Variants in ETV6 observed in about 807,000 individuals in gnomAD.
The protein encoded by ETV6 is transcription factor ETV6.
ETV6 carries 16 observed loss-of-function variants against 51.1 expected under a neutral mutation model. The observed-to-expected ratio is 0.31, with a 90% CI of 0.21 to 0.48. The LOEUF is 0.48. ETV6 is among the 20% of genes least tolerant of loss of function. The pLI is 0.99. For synonymous variants in ETV6, 240 were observed against 224.1 expected, an observed-to-expected ratio of 1.07 and a Z score of -0.64; for missense variants, 458 against 594.8, an observed-to-expected ratio of 0.77 and a Z score of 2.39.
chr12:11,688,564 C>T (rs1202872893), intron 1 of ETV6, among the ~76,000 whole-genome samples: 7 of 152,228 alleles, frequency 4.6e-5, no homozygotes, highest in South Asian at 2.1e-4. Context: ...GCAGTTCATA[C>T]GAGGCCTGCA....
chr12:11,650,504 A>AAAAAAAAAAAAAAAAC lies in ETV6; in HGVS notation c.33+355_33+356insAAAACAAAAAAAAAAA, dbSNP rs1555109540. Among the ~76,000 whole-genome samples, 173 of 94,180 alleles carry AAAAAAAAAAAAAAAAC rather than the reference A, an allele frequency of 1.8e-3. 5 individuals carry two copies. Among genetic ancestry groups the AAAAAAAAAAAAAAAAC allele is most frequent in the Admixed American group, 3.6e-3 (26 of 7,294 alleles). The allele number at this position is 94,180 out of a possible 152,430, so 61.8% of individuals were successfully genotyped here. On this transcript the variant is annotated intron_variant, in intron 1 of 7. Coordinates refer to ENST00000396373, the MANE Select transcript of ETV6 (RefSeq NM_001987.5). The stretch of plus-strand genomic sequence containing the variant: ...CTTAAAAAAAAAAAAAACAAAAAAC[A>AAAAAAAAAAAAAAAAC]AAAAAAAAAAACCTGCTCCCTATTC...
chr12:11,860,987 G>C (rs1946707775), intron 4 of ETV6, among the ~76,000 whole-genome samples: 2 of 152,152 alleles, frequency 1.3e-5, no homozygotes, highest in African/African-American at 4.8e-5. Flanking sequence ...CATTTAAAGT[G>C]CCAGTCTTCA....
intron 7 of ETV6, among the ~76,000 whole-genome samples, chr12:11,890,041 G>C (rs934011911): frequency 5.3e-5 from 8 of 151,658 alleles, no homozygotes; most frequent in African/African-American, 1.9e-4. Flanking sequence ...GAGGCTTGCT[G>C]TACACCCCAG....
intron 1 of ETV6, among the ~76,000 whole-genome samples, chr12:11,731,744 A>G (rs751957900): frequency 2.0e-5 from 3 of 152,174 alleles, no homozygotes; most frequent in Non-Finnish European, 4.4e-5. Context: ...AAAGCCCTTC[A>G]TAGTCATTAA....
At chr12:11,658,324 C>T (rs183918651) in intron 1 of ETV6, among the ~76,000 whole-genome samples, 150 of 152,346 alleles carry the variant, frequency 9.8e-4, no homozygotes, top group African/African-American at 3.4e-3. Flanking sequence ...CAACCTCTGC[C>T]TCCCAGGTTC....
chr12:11,888,129 G>GTCTC (rs1165610740), intron 7 of ETV6, among the ~76,000 whole-genome samples: 1 of 152,202 alleles, frequency 6.6e-6, no homozygotes, highest in Non-Finnish European at 1.5e-5. Context: ...ACGTCTTTCT[G>GTCTC]TCTCTAGTCC....
At chr12:11,769,005 G>C (rs1333718206) in intron 2 of ETV6, 1 of 459,284 alleles carries the variant, frequency 2.2e-6, no homozygotes. Context: ...CTCAGTGCTA[G>C]TACAAAGATA....
chr12:11,806,889 A>G (rs941084618), intron 2 of ETV6, among the ~76,000 whole-genome samples: 1 of 152,230 alleles, frequency 6.6e-6, no homozygotes, highest in African/African-American at 2.4e-5. Flanking sequence ...TTGAGCCTGG[A>G]AATCAGCATG....
intron 2 of ETV6, among the ~76,000 whole-genome samples, chr12:11,803,126 C>T (rs1945775473): frequency 6.6e-6 from 1 of 152,180 alleles, no homozygotes; most frequent in South Asian, 2.1e-4. Flanking sequence ...CTCTGTCAGT[C>T]CCAACTCTCC....
intron 5 of ETV6, among the ~76,000 whole-genome samples, chr12:11,878,649 C>T (rs1947032077): frequency 6.6e-6 from 1 of 151,952 alleles, no homozygotes; most frequent in African/African-American, 2.4e-5. Flanking sequence ...GCCTCCACTT[C>T]TCCCTCCCCC....
chr12:11,700,828 G>C (rs973866204), intron 1 of ETV6, among the ~76,000 whole-genome samples: 1 of 152,132 alleles, frequency 6.6e-6, no homozygotes, highest in Non-Finnish European at 1.5e-5. Context: ...GGAAAGGCAG[G>C]CCACTCAGTG....
At chr12:11,701,777 A>G (rs532493753) in intron 1 of ETV6, among the ~76,000 whole-genome samples, 1 of 152,326 alleles carries the variant, frequency 6.6e-6, no homozygotes, top group Non-Finnish European at 1.5e-5. Context: ...CAAAGGAGGA[A>G]CAGAGGGCCC....
At chr12:11,774,538 C>G (rs1244745855) in intron 2 of ETV6, among the ~76,000 whole-genome samples, 1 of 152,190 alleles carries the variant, frequency 6.6e-6, no homozygotes, top group South Asian at 2.1e-4. Flanking sequence ...ACCTTAGTGT[C>G]TGTGTTCCAG....
chr12:11,790,193 A>G (rs1321933178), intron 2 of ETV6, among the ~76,000 whole-genome samples: 1 of 150,490 alleles, frequency 6.6e-6, no homozygotes, highest in East Asian at 1.9e-4. Context: ...TTTGTTTCAT[A>G]GTTGCAATAT....
intron 1 of ETV6, among the ~76,000 whole-genome samples, chr12:11,712,092 C>A (rs1865185003): frequency 6.6e-6 from 1 of 152,110 alleles, no homozygotes; most frequent in Non-Finnish European, 1.5e-5. Flanking sequence ...CTGTTTAATC[C>A]TCAGGTGGAC....
intron 7 of ETV6, among the ~76,000 whole-genome samples, chr12:11,889,683 T>C (rs1947257713): frequency 6.6e-6 from 1 of 152,180 alleles, no homozygotes; most frequent in South Asian, 2.1e-4. Context: ...CCAAGACCGC[T>C]AGACTGCATT....
chr12:11,707,912 G>C (rs2277394), intron 1 of ETV6, among the ~76,000 whole-genome samples: 7,744 of 152,218 alleles, frequency 0.051, 372 homozygotes, highest in African/African-American at 0.12. Flanking sequence ...TCTCAACTTT[G>C]TCTCCTCCTA....
At chr12:11,846,868 TTTTG>T (rs1946474141) in intron 3 of ETV6, among the ~76,000 whole-genome samples, 1 of 152,124 alleles carries the variant, frequency 6.6e-6, no homozygotes, top group South Asian at 2.1e-4. Context: ...GTTTGTTTGT[TTTTG>T]TTTGTTTTGT....
At chr12:11,819,908 G>A (rs1015154504) in intron 2 of ETV6, among the ~76,000 whole-genome samples, 6 of 152,124 alleles carry the variant, frequency 3.9e-5, no homozygotes, top group East Asian at 3.8e-4. Context: ...ATTATGTTAC[G>A]CCCTTGTTTA....
Sources: gnomAD v4.1 joint callset for allele counts (sites outside exome capture counted in the v4.1 genomes callset) on GRCh38, gnomAD v4.1.1 for gene constraint, MANE v1.5 for transcripts, NCBI Gene and HGNC (gene_info 2026-07-23, HGNC 2026-07-21) for gene names.